Variants in IQCM observed in about 807,000 individuals in gnomAD.
IQCM encodes IQ motif containing M.
In IQCM, 45 loss-of-function variants were observed where a neutral mutation model predicts 57.6. The observed-to-expected ratio is 0.78, with a 90% confidence interval of 0.62 to 1.00. The LOEUF (loss-of-function observed/expected upper bound fraction) is 1.00, where lower values mean the gene tolerates loss of function less well. Ranked by LOEUF, IQCM falls within the 50% of genes least tolerant of loss-of-function variation. The probability of loss-of-function intolerance (pLI) is 0.00; values close to 1 mark genes in which losing one functional copy is unlikely to be tolerated. For missense variants in IQCM, 468 were observed against 511.6 expected (o/e 0.91, Z 0.82); for synonymous variants, 148 against 158.9 (o/e 0.93, Z 0.51).
At chr4:149,657,594 A>T (rs1759747292) in intron 7 of IQCM, among the ~76,000 whole-genome samples, 1 of 152,106 alleles carries the variant, frequency 6.6e-6, no homozygotes, top group African/African-American at 2.4e-5. Context: ...ACTGTTTTCC[A>T]TGATCGCTTA....
At chr4:149,809,043 C>T (rs1483432677) in intron 2 of IQCM, among the ~76,000 whole-genome samples, 1 of 152,042 alleles carries the variant, frequency 6.6e-6, no homozygotes, top group African/African-American at 2.4e-5. Flanking sequence ...CCTGAACTTA[C>T]CAGGCACCTC....
At chr4:149,475,330 T>C (rs1370904459) in intron 12 of IQCM, among the ~76,000 whole-genome samples, 3 of 152,102 alleles carry the variant, frequency 2.0e-5, no homozygotes, top group Non-Finnish European at 2.9e-5. Context: ...ATTGGAAGGA[T>C]GGAGTTGTCA....
intron 8 of IQCM, among the ~76,000 whole-genome samples, chr4:149,608,989 A>C (rs1302812979): frequency 2.0e-5 from 3 of 151,766 alleles, no homozygotes; most frequent in African/African-American, 7.2e-5. Flanking sequence ...CAAAATGAAC[A>C]AAAGTTGAGC....
chr4:149,383,156 A>G (rs1326475738), intron 13 of IQCM, among the ~76,000 whole-genome samples: 1 of 152,076 alleles, frequency 6.6e-6, no homozygotes, highest in Non-Finnish European at 1.5e-5. Context: ...GTGTCTTCAT[A>G]CTCTAAGATT....
At chr4:149,760,955 G>A (rs975330921) in intron 2 of IQCM, among the ~76,000 whole-genome samples, 4 of 152,028 alleles carry the variant, frequency 2.6e-5, no homozygotes, top group Non-Finnish European at 4.4e-5. Context: ...TCAAGGCATT[G>A]ATCACTTGCT....
At chr4:149,800,455 C>T (rs1351191615) in intron 2 of IQCM, among the ~76,000 whole-genome samples, 2 of 151,914 alleles carry the variant, frequency 1.3e-5, no homozygotes, top group African/African-American at 4.8e-5. Context: ...TGCCTACTTT[C>T]ACCACTGTTA....
At position 149,592,794 on chromosome 4, in the gene IQCM, C is replaced by T. The variant is rs190141480; in HGVS notation, c.682-4797G>A. 1.5e-3 allele frequency among the ~76,000 whole-genome samples: 234 copies of T among 152,090 alleles called. 1 individual carries two copies. Among genetic ancestry groups the T allele is most frequent in the African/African-American group, 5.5e-3 (227 of 41,500 alleles). ...ATGGGTGGTATTATTTCTGAGGGCC[C>T]TGTTCTGTTCCATTGGTCTATATCT... On this transcript the variant is annotated intron_variant, in intron 8 of 13. Coordinates refer to ENST00000636793, the MANE Select transcript of IQCM (RefSeq NM_001363507.2).
At chr4:149,719,723 TG>T (rs1765288678) in intron 5 of IQCM, among the ~76,000 whole-genome samples, 1 of 152,222 alleles carries the variant, frequency 6.6e-6, no homozygotes, top group Admixed American at 6.5e-5. Flanking sequence ...TCATCCTTGT[TG>T]GATTAAGCCC....
chr4:149,622,108 A>T (rs1756390526), intron 7 of IQCM, among the ~76,000 whole-genome samples: 1 of 152,138 alleles, frequency 6.6e-6, no homozygotes, highest in South Asian at 2.1e-4. Context: ...TATTTACAGG[A>T]TCATAATTTG....
intron 12 of IQCM, among the ~76,000 whole-genome samples, chr4:149,498,650 A>G (rs572042114): frequency 1.3e-5 from 2 of 152,152 alleles, no homozygotes; most frequent in Non-Finnish European, 2.9e-5. Flanking sequence ...GAACACATAC[A>G]GCTCATAGAG....
intron 13 of IQCM, among the ~76,000 whole-genome samples, chr4:149,427,161 C>A (rs1247353308): frequency 1.3e-5 from 2 of 151,946 alleles, no homozygotes; most frequent in African/African-American, 2.4e-5. Context: ...GTGCTCACTG[C>A]ACCTACTGCA....
intron 7 of IQCM, among the ~76,000 whole-genome samples, chr4:149,643,899 C>G (rs1163947519): frequency 6.6e-6 from 1 of 152,134 alleles, no homozygotes; most frequent in Non-Finnish European, 1.5e-5. Context: ...TAATGTATTT[C>G]TGATCATAAT....
chr4:149,765,497 A>C (rs1481147510), intron 2 of IQCM, among the ~76,000 whole-genome samples: 1 of 152,116 alleles, frequency 6.6e-6, no homozygotes, highest in African/African-American at 2.4e-5. Flanking sequence ...GGTCAAGCTA[A>C]CAGAAATTAT....
intron 13 of IQCM, among the ~76,000 whole-genome samples, chr4:149,398,445 T>C (rs183003847): frequency 6.6e-6 from 1 of 152,046 alleles, no homozygotes; most frequent in Non-Finnish European, 1.5e-5. Flanking sequence ...TAGGTCACTT[T>C]GCTAGTATAG....
chr4:149,771,498 G>C (rs1770578021), intron 2 of IQCM, among the ~76,000 whole-genome samples: 2 of 152,060 alleles, frequency 1.3e-5, no homozygotes, highest in South Asian at 4.1e-4. Flanking sequence ...TCCCATTGTA[G>C]AGTAAAATCC....
intron 7 of IQCM, among the ~76,000 whole-genome samples, chr4:149,638,211 T>G (rs898836256): frequency 6.6e-6 from 1 of 152,088 alleles, no homozygotes; most frequent in African/African-American, 2.4e-5. Flanking sequence ...GGCAAGGATG[T>G]GTAAAATAAA....
intron 2 of IQCM, among the ~76,000 whole-genome samples, chr4:149,748,244 A>G (rs543274473): frequency 1.3e-5 from 2 of 152,272 alleles, no homozygotes; most frequent in African/African-American, 4.8e-5. Context: ...GAGGCACACC[A>G]TCAATGACTT....
rs573961156 is a variant in IQCM at position 149,666,564 on chromosome 4, A to T, written c.565+15554T>A. On this transcript the variant is annotated intron_variant, in intron 7 of 13. Coordinates refer to ENST00000636793, the MANE Select transcript of IQCM (RefSeq NM_001363507.2). ...TTCATACCCCAGTAGTGCCTGGAAC[A>T]TCAGCAAGACAGAACCGTTTACTCC... Among the ~76,000 whole-genome samples, 30 of 152,188 alleles carry T rather than the reference A, an allele frequency of 2.0e-4. No individual in the cohort carries two copies. In the South Asian group the frequency reaches 6.0e-3, roughly 30 times the overall value.
chr4:149,657,344 A>T (rs1321154395), intron 7 of IQCM, among the ~76,000 whole-genome samples: 2 of 152,062 alleles, frequency 1.3e-5, no homozygotes, highest in African/African-American at 2.4e-5. Flanking sequence ...AAATGACGGG[A>T]TTCATTCTTT....
Sources: gnomAD v4.1 joint callset for allele counts (sites outside exome capture counted in the v4.1 genomes callset) on GRCh38, gnomAD v4.1.1 for gene constraint, MANE v1.5 for transcripts, NCBI Gene and HGNC (gene_info 2026-07-23, HGNC 2026-07-21) for gene names.